The following GRM8 variants were observed in gnomAD, a reference collection of about 807,000 sequenced individuals.
GRM8 encodes glutamate metabotropic receptor 8, also known as metabotropic glutamate receptor 8.
A neutral mutation model predicts 87.2 loss-of-function variants in GRM8; 47 were observed. The ratio of observed to expected loss-of-function variants is 0.54; its 90% CI spans 0.43 to 0.69. The LOEUF (loss-of-function observed/expected upper bound fraction) is 0.69, where lower values mean the gene tolerates loss of function less well. Among genes scored for constraint, GRM8 ranks in the 30% least tolerant of loss-of-function variants. GRM8 has a pLI of 0.00. For missense variants in GRM8, 1,019 were observed against 1,139.2 expected (o/e 0.89, Z 1.52); for synonymous variants, 396 against 404.5 (o/e 0.98, Z 0.25).
At chr7:127,049,793 G>T (rs573081147) in intron 3 of GRM8, among the ~76,000 whole-genome samples, 1 of 152,254 alleles carries the variant, frequency 6.6e-6, no homozygotes, top group South Asian at 2.1e-4. Context: ...AGCTCCACTT[G>T]AAGGACGGGT....
At chr7:126,464,111 T>C (rs1233517907) in intron 9 of GRM8, among the ~76,000 whole-genome samples, 2 of 151,626 alleles carry the variant, frequency 1.3e-5, no homozygotes, top group African/African-American at 4.8e-5. Context: ...GAGTCATTTA[T>C]CTTTTTTCTT....
chr7:126,479,936 T>TA (rs1248579281), intron 9 of GRM8, among the ~76,000 whole-genome samples: 3 of 152,100 alleles, frequency 2.0e-5, no homozygotes, highest in Non-Finnish European at 2.9e-5. Flanking sequence ...TTTTCATTTA[T>TA]GACATGACCC....
At chr7:126,584,555 C>T (rs923508492) in intron 8 of GRM8, among the ~76,000 whole-genome samples, 1 of 152,178 alleles carries the variant, frequency 6.6e-6, no homozygotes, top group Non-Finnish European at 1.5e-5. Context: ...ATTCCGAAAT[C>T]ATTTAATTTT....
intron 9 of GRM8, 82 bp from the exon 10 acceptor site, chr7:126,446,454 T>C: frequency 1.1e-6 from 1 of 915,294 alleles, no homozygotes; most frequent in Non-Finnish European, 1.7e-6. Context: ...TTTTCTAAAA[T>C]TGTTCCAGCT....
chr7:126,786,370 A>G (rs1319652952), intron 6 of GRM8, among the ~76,000 whole-genome samples: 2 of 152,204 alleles, frequency 1.3e-5, no homozygotes, highest in Non-Finnish European at 2.9e-5. Context: ...GAAAAAATAA[A>G]AGCCTTTAAA....
At chr7:126,584,967 C>T (rs917527027) in intron 8 of GRM8, among the ~76,000 whole-genome samples, 15 of 152,064 alleles carry the variant, frequency 9.9e-5, no homozygotes, top group Non-Finnish European at 1.6e-4. Context: ...AGCACTCATC[C>T]TTCTTTAAAA....
chr7:126,659,513 T>G (rs1366539295), intron 7 of GRM8, among the ~76,000 whole-genome samples: 2 of 152,166 alleles, frequency 1.3e-5, no homozygotes, highest in African/African-American at 2.4e-5. Context: ...GAGAGAAATA[T>G]TCAACCATAA....
intron 3 of GRM8, among the ~76,000 whole-genome samples, chr7:127,096,406 A>G (rs1824658029): frequency 6.6e-6 from 1 of 152,136 alleles, no homozygotes; most frequent in Admixed American, 6.5e-5. Flanking sequence ...CTAAAAATAC[A>G]AAAACCAGCC....
chr7:126,899,674 C>T (rs1382466902), intron 6 of GRM8, among the ~76,000 whole-genome samples: 2 of 152,000 alleles, frequency 1.3e-5, no homozygotes, highest in Non-Finnish European at 2.9e-5. Flanking sequence ...TCTTTAATGC[C>T]TCTCCTTAAA....
At chr7:127,110,599 C>G (rs1298915824) in intron 2 of GRM8, among the ~76,000 whole-genome samples, 1 of 151,686 alleles carries the variant, frequency 6.6e-6, no homozygotes, top group Non-Finnish European at 1.5e-5. Flanking sequence ...ACTCAGGACA[C>G]TCATCATCCT....
At chr7:126,708,980 G>A (rs900832159) in intron 7 of GRM8, among the ~76,000 whole-genome samples, 1 of 152,078 alleles carries the variant, frequency 6.6e-6, no homozygotes, top group African/African-American at 2.4e-5. Context: ...TGTTCTCACT[G>A]CAAAATATGT....
intron 3 of GRM8, among the ~76,000 whole-genome samples, chr7:127,015,221 A>G (rs893929380): frequency 1.4e-5 from 2 of 138,900 alleles, no homozygotes; most frequent in African/African-American, 5.6e-5. Context: ...GAAGAAGAAG[A>G]AGAAGAAGAA....
chr7:126,561,785 C>G (rs1047749962), intron 8 of GRM8, among the ~76,000 whole-genome samples: 1 of 104,464 alleles, frequency 9.6e-6, no homozygotes, highest in African/African-American at 3.7e-5. Context: ...CCTCCCCCCA[C>G]CCCACAACAG....
chr7:127,070,634 A>G (rs1821582173), intron 3 of GRM8, among the ~76,000 whole-genome samples: 1 of 152,144 alleles, frequency 6.6e-6, no homozygotes, highest in South Asian at 2.1e-4. Context: ...CTCAATTTTG[A>G]CTTTTATTAC....
intron 3 of GRM8, among the ~76,000 whole-genome samples, chr7:126,911,129 T>A (rs1803243523): frequency 1.3e-5 from 2 of 152,136 alleles, no homozygotes; most frequent in South Asian, 4.1e-4. Flanking sequence ...AAACACAGGT[T>A]TTTCAACAGA....
At chr7:126,538,472 A>G (rs1361490609) in intron 8 of GRM8, among the ~76,000 whole-genome samples, 1 of 151,848 alleles carries the variant, frequency 6.6e-6, no homozygotes, top group Non-Finnish European at 1.5e-5. Context: ...TCTCTAATAC[A>G]ATGTTTTTCC....
At chr7:127,197,156 T>C (rs1795326663) in intron 2 of GRM8, among the ~76,000 whole-genome samples, 1 of 152,238 alleles carries the variant, frequency 6.6e-6, no homozygotes, top group Non-Finnish European at 1.5e-5. Flanking sequence ...TTTAAGCATA[T>C]GGATTTGAGG....
chr7:126,700,038 A>C (rs1809766696), intron 7 of GRM8, among the ~76,000 whole-genome samples: 1 of 152,210 alleles, frequency 6.6e-6, no homozygotes, highest in Non-Finnish European at 1.5e-5. Flanking sequence ...ATTAGATAGA[A>C]GAAAACCAGA....
chr7:126,918,740 T>C (rs568382556), intron 3 of GRM8, among the ~76,000 whole-genome samples: 1 of 152,310 alleles, frequency 6.6e-6, no homozygotes, highest in East Asian at 1.9e-4. Flanking sequence ...AATCTTTTAC[T>C]GAAACCAAAA....
Sources: allele counts gnomAD v4.1 joint callset (sites outside exome capture counted in the v4.1 genomes callset), GRCh38; gene constraint gnomAD v4.1.1; transcripts MANE v1.5; gene names NCBI Gene and HGNC (gene_info 2026-07-23, HGNC 2026-07-21).